The following PITPNA variants were observed in gnomAD, a reference collection of about 807,000 sequenced individuals.
PITPNA encodes phosphatidylinositol transfer protein alpha isoform.
PITPNA carries 13 observed loss-of-function variants against 50.3 expected under a neutral mutation model. The ratio of observed to expected loss-of-function variants is 0.26; its 90% CI spans 0.17 to 0.41. The LOEUF is 0.41. Ranked by LOEUF, PITPNA falls within the 10% of genes least tolerant of loss-of-function variation. PITPNA has a pLI of 1.00. For missense variants in PITPNA, 207 were observed against 333.4 expected (o/e 0.62, Z 2.95); for synonymous variants, 120 against 119.6 (o/e 1.00, Z -0.02).
At chr17:1,549,882 C>G (rs2075699332) in intron 3 of PITPNA, among the ~76,000 whole-genome samples, 1 of 151,902 alleles carries the variant, frequency 6.6e-6, no homozygotes, top group Admixed American at 6.6e-5. Flanking sequence ...GTCATGTAGG[C>G]CAGGCTGGTC....
At chr17:1,524,396 GT>G (rs2075534816) in intron 10 of PITPNA, among the ~76,000 whole-genome samples, 1 of 149,604 alleles carries the variant, frequency 6.7e-6, no homozygotes, top group African/African-American at 2.5e-5. Context: ...TCAGGCTGGA[GT>G]GCAGTGGTGC....
chr17:1,543,448 C>T (rs1295394641), intron 4 of PITPNA, among the ~76,000 whole-genome samples: 4 of 152,190 alleles, frequency 2.6e-5, no homozygotes, highest in Non-Finnish European at 5.9e-5. Context: ...TATCTGCCTC[C>T]TGCACCCTTC....
chr17:1,526,762 A>G (rs1047903231), intron 10 of PITPNA, among the ~76,000 whole-genome samples: 2 of 152,040 alleles, frequency 1.3e-5, no homozygotes, highest in African/African-American at 2.4e-5. Flanking sequence ...CATTACTTCA[A>G]TCTTTTTTTG....
chr17:1,546,305 G>A (rs1373745132), intron 4 of PITPNA, among the ~76,000 whole-genome samples: 2 of 151,968 alleles, frequency 1.3e-5, no homozygotes, highest in African/African-American at 2.4e-5. Context: ...GAGTAGGGAG[G>A]GCTGTGCTTC....
chr17:1,551,933 G>A (rs2075711853), intron 3 of PITPNA, among the ~76,000 whole-genome samples: 1 of 150,350 alleles, frequency 6.7e-6, no homozygotes, highest in Admixed American at 6.6e-5. Context: ...GGACAGCGCT[G>A]CTCTCCTCGC....
intron 10 of PITPNA, among the ~76,000 whole-genome samples, chr17:1,525,892 T>C (rs866915315): frequency 6.6e-6 from 1 of 152,216 alleles, no homozygotes; most frequent in South Asian, 2.1e-4. Flanking sequence ...ACATGATATA[T>C]GACGCAGATA....
At chr17:1,550,728 C>T (rs902188607) in intron 3 of PITPNA, among the ~76,000 whole-genome samples, 1 of 152,146 alleles carries the variant, frequency 6.6e-6, no homozygotes, top group Non-Finnish European at 1.5e-5. Flanking sequence ...CAGGGTCTTG[C>T]TATGTTGCCC....
In PITPNA at chr17:1,538,954, T is replaced by C; in HGVS notation, c.373-2A>G. On this transcript the variant is annotated splice_acceptor_variant, in intron 6 of 11. Transcript: ENST00000313486. LOFTEE classifies it high-confidence loss of function. ...CGCCTCAGGCTCCAGCTTATGCACC[T>C]GTGGGAACAAGTGGGGAACCACTAT... 1 of 1,609,310 alleles carries C rather than the reference T, an allele frequency of 6.2e-7. No individual in the cohort carries two copies. The highest frequency in any genetic ancestry group is 8.5e-7 in the Non-Finnish European group (1 of 1,175,722).
intron 4 of PITPNA, 57 bp from the exon 5 acceptor site, chr17:1,543,084 A>C: frequency 7.2e-7 from 1 of 1,390,564 alleles, no homozygotes; most frequent in Non-Finnish European, 9.9e-7. Flanking sequence ...AAGATGAAGA[A>C]ATATCTGCCC....
intron 2 of PITPNA, among the ~76,000 whole-genome samples, chr17:1,557,285 G>A (rs2075740033): frequency 6.6e-6 from 1 of 152,208 alleles, no homozygotes; most frequent in South Asian, 2.1e-4. Flanking sequence ...CCCTCTCGGG[G>A]GCCAACAAGC....
At chr17:1,520,784 G>C (rs943879385) in intron 11 of PITPNA, among the ~76,000 whole-genome samples, 17 of 152,314 alleles carry the variant, frequency 1.1e-4, no homozygotes, top group African/African-American at 3.8e-4. Context: ...AGCAGGGCCT[G>C]CCGTCACTCC....
intron 10 of PITPNA, among the ~76,000 whole-genome samples, chr17:1,524,592 A>G (rs2075535771): frequency 6.6e-6 from 1 of 152,102 alleles, no homozygotes; most frequent in African/African-American, 2.4e-5. Context: ...TAAAATAGAG[A>G]TAACAGTACA....
At chr17:1,559,799 A>T (rs2075759110) in intron 1 of PITPNA, 1 of 984,574 alleles carries the variant, frequency 1.0e-6, no homozygotes, top group Non-Finnish European at 1.2e-6. Context: ...GGAAAAACAA[A>T]ATGGGCTCCA....
intron 3 of PITPNA, among the ~76,000 whole-genome samples, chr17:1,550,342 G>A (rs1284811513): frequency 6.6e-6 from 1 of 152,210 alleles, no homozygotes; most frequent in East Asian, 1.9e-4. Context: ...GACATGCAGT[G>A]CACCGGGCAG....
intron 10 of PITPNA, among the ~76,000 whole-genome samples, chr17:1,530,512 C>T (rs1172753483): frequency 6.6e-6 from 1 of 152,210 alleles, no homozygotes; most frequent in Non-Finnish European, 1.5e-5. Flanking sequence ...ACTAGAGTTA[C>T]AGCAGTGATG....
At chr17:1,522,164 C>T (rs1396664293) in intron 10 of PITPNA, among the ~76,000 whole-genome samples, 3 of 150,582 alleles carry the variant, frequency 2.0e-5, no homozygotes, top group Admixed American at 6.6e-5. Flanking sequence ...CTCCGCTTCC[C>T]GGGTTCACGC....
At chr17:1,558,769 A>ACCCCC (rs147366133) in intron 1 of PITPNA, among the ~76,000 whole-genome samples, 1 of 22,694 alleles carries the variant, frequency 4.4e-5, no homozygotes, top group African/African-American at 2.4e-4. Context: ...CTGTGACAAC[A>ACCCCC]CCCCCCCCCC....
At chr17:1,561,853 A>G (rs530434722) in intron 1 of PITPNA, among the ~76,000 whole-genome samples, 1 of 151,582 alleles carries the variant, frequency 6.6e-6, no homozygotes, top group Admixed American at 6.6e-5. Flanking sequence ...CCCCATCCCC[A>G]TCCCAACTCC....
At chr17:1,535,361 C>T (rs890294508) in intron 8 of PITPNA, 69 bp from the exon 9 acceptor site, 7 of 1,501,812 alleles carry the variant, frequency 4.7e-6, no homozygotes, top group Admixed American at 1.7e-5. Flanking sequence ...CCCAGCTCAC[C>T]CCAGCCATGC....
Sources: allele counts gnomAD v4.1 joint callset (sites outside exome capture counted in the v4.1 genomes callset), GRCh38; gene constraint gnomAD v4.1.1; transcripts MANE v1.5; gene names NCBI Gene and HGNC (gene_info 2026-07-23, HGNC 2026-07-21).